Variants in DIP2B observed in about 807,000 individuals in gnomAD.
The protein encoded by DIP2B is disco-interacting protein 2 homolog B.
Under a neutral mutation model 198.0 loss-of-function variants are expected in DIP2B, and 76 were observed. The ratio of observed to expected loss-of-function variants is 0.38; its 90% CI spans 0.32 to 0.46. The LOEUF (loss-of-function observed/expected upper bound fraction) is 0.46. DIP2B is among the 20% of genes least tolerant of loss of function. The pLI, the probability that DIP2B is intolerant of heterozygous loss-of-function variation, is 0.99. For missense variants in DIP2B, 1,559 were observed against 1,978.4 expected, an observed-to-expected ratio of 0.79 and a Z score of 4.02; for synonymous variants, 701 against 739.1, an observed-to-expected ratio of 0.95 and a Z score of 0.84.
At chr12:50,518,575 T>C (rs1958087134) in intron 1 of DIP2B, among the ~76,000 whole-genome samples, 1 of 152,200 alleles carries the variant, frequency 6.6e-6, no homozygotes, top group African/African-American at 2.4e-5. Flanking sequence ...GCAGTTTCTG[T>C]ACAGTGTGCT....
At chr12:50,715,083 C>T (rs1442489899) in intron 23 of DIP2B, among the ~76,000 whole-genome samples, 1 of 152,192 alleles carries the variant, frequency 6.6e-6, no homozygotes, top group East Asian at 1.9e-4. Flanking sequence ...ACATAAATTG[C>T]AGCTCAGGCA....
chr12:50,512,252 T>G (rs1461881160), intron 1 of DIP2B, among the ~76,000 whole-genome samples: 4 of 151,692 alleles, frequency 2.6e-5, no homozygotes, highest in African/African-American at 9.7e-5. Flanking sequence ...GATTACAGGC[T>G]TGTGCCACCA....
In DIP2B at chr12:50,523,707, A is replaced by C. The variant is rs370502122; in HGVS notation, c.100+18467A>C. Among the ~76,000 whole-genome samples, 74 of 152,364 alleles carry C rather than the reference A, an allele frequency of 4.9e-4. 1 individual carries two copies. The South Asian group carries it at 0.015, about 31-fold the overall frequency. ...AGCAGTATGGTATTAGCTTTAAAACAGGATGAATGGACAGAATACTATGCC... is the reference window on the plus strand; with the variant it reads ...AGCAGTATGGTATTAGCTTTAAAACCGGATGAATGGACAGAATACTATGCC... On this transcript the variant is annotated intron_variant, in intron 1 of 37. Transcript: ENST00000301180.
In DIP2B at chr12:50,685,973, C is replaced by T; in HGVS notation, c.1441+17C>T. On this transcript the variant is annotated intron_variant, in intron 11 of 37. Coordinates refer to ENST00000301180, the MANE Select transcript of DIP2B (RefSeq NM_173602.3). ...AGTTTAAAGGTTAGTAACATTGTAC[C>T]TGAATTATCAGTTAAAAGTTAAAAC... 1 of 1,603,884 alleles carries T rather than the reference C, an allele frequency of 6.2e-7. No individual in the cohort carries two copies. The highest frequency in any genetic ancestry group is 8.5e-7 in the Non-Finnish European group (1 of 1,175,564).
intron 1 of DIP2B, among the ~76,000 whole-genome samples, chr12:50,538,066 G>A (rs974430989): frequency 1.3e-5 from 2 of 152,118 alleles, no homozygotes; most frequent in Non-Finnish European, 2.9e-5. Context: ...AATAGATACC[G>A]AGGAGTCTTC....
chr12:50,612,127 G>A (rs1959037197), intron 1 of DIP2B, among the ~76,000 whole-genome samples: 1 of 152,122 alleles, frequency 6.6e-6, no homozygotes, highest in Admixed American at 6.5e-5. Context: ...GCAGGGCATT[G>A]TAGCATGCCC....
rs373579749 is a variant in DIP2B at position 50,526,069 on chromosome 12, T to C, written c.100+20829T>C. Among the ~76,000 whole-genome samples, 9 of 152,330 alleles carry C rather than the reference T, an allele frequency of 5.9e-5. No individual in the cohort carries two copies. The East Asian group carries it at 1.7e-3, about 29-fold the overall frequency. On this transcript the variant is annotated intron_variant, in intron 1 of 37. Transcript: ENST00000301180. ...CTCAGTAAAATGTTTGTTTTTTGAG[T>C]GCAGAGATTTTACTGTCTTGTTCCC...
At chr12:50,641,722 G>A (rs753860025) in intron 3 of DIP2B, among the ~76,000 whole-genome samples, 2 of 152,144 alleles carry the variant, frequency 1.3e-5, no homozygotes, top group African/African-American at 2.4e-5. Flanking sequence ...ACCACCTGGC[G>A]GCCAGTACCA....
rs192265854 is a variant in DIP2B, at chr12:50,517,172, G to A, written c.100+11932G>A. ...CTGACCTCGTGATCCACCTGCCTTG[G>A]CCTCCCAAAGTGCTGGGATTACAGG... On this transcript the variant is annotated intron_variant, in intron 1 of 37. Coordinates refer to ENST00000301180, the MANE Select transcript of DIP2B (RefSeq NM_173602.3). Among the ~76,000 whole-genome samples the A allele has an allele frequency of 7.1e-3, 1,083 of 152,008 alleles. 16 individuals carry two copies. Among genetic ancestry groups the A allele is most frequent in the African/African-American group, 0.025 (1,042 of 41,486 alleles).
intron 23 of DIP2B, among the ~76,000 whole-genome samples, chr12:50,715,004 C>T (rs950630441): frequency 1.3e-5 from 2 of 152,176 alleles, no homozygotes; most frequent in African/African-American, 4.8e-5. Flanking sequence ...CCTTGAGATG[C>T]TTTTGGAGCT....
At chr12:50,567,677 G>A (rs1238382979) in intron 1 of DIP2B, among the ~76,000 whole-genome samples, 3 of 152,046 alleles carry the variant, frequency 2.0e-5, no homozygotes, top group Non-Finnish European at 2.9e-5. Context: ...ACAGGCGCCC[G>A]CCACCATGCT....
intron 1 of DIP2B, 85 bp downstream of exon 1, chr12:50,505,325 G>A (rs1957957448): frequency 1.7e-6 from 2 of 1,166,742 alleles, no homozygotes; most frequent in Admixed American, 3.5e-5. Flanking sequence ...GCGCTCTGGC[G>A]GCCGTGCGGC....
chr12:50,559,151 A>T (rs1958496059), intron 1 of DIP2B, among the ~76,000 whole-genome samples: 1 of 152,216 alleles, frequency 6.6e-6, no homozygotes, highest in South Asian at 2.1e-4. Flanking sequence ...TGATTAGGTG[A>T]TCACCCCAGT....
At chr12:50,589,755 A>C (rs972298416) in intron 1 of DIP2B, among the ~76,000 whole-genome samples, 23 of 152,240 alleles carry the variant, frequency 1.5e-4, no homozygotes, top group African/African-American at 5.3e-4. Context: ...TGGGGGCCAG[A>C]GGGTGTATCC....
At position 50,675,425 on chromosome 12, in the gene DIP2B, A is replaced by G; in HGVS notation, c.893A>G (p.Asp298Gly). Residue 298 changes from aspartate (D) to glycine (G), a missense_variant, in exon 7 of 38, where the codon GAT becomes GGT. Coordinates refer to ENST00000301180, the MANE Select transcript of DIP2B (RefSeq NM_173602.3). ...KRPPLKEFFVDDSEEIVEVPQ... is the reference protein window; with the variant it reads ...KRPPLKEFFVGDSEEIVEVPQ... Reference sequence around the variant, plus strand: ...CCTCCCTTAAAGGAATTTTTTGTGGATGACTCTGAAGAAATTGTGGAAGGT... The same window carrying G: ...CCTCCCTTAAAGGAATTTTTTGTGGGTGACTCTGAAGAAATTGTGGAAGGT... 1.2e-6 allele frequency: 2 copies of G among 1,613,908 alleles called. No homozygotes were observed. Among genetic ancestry groups the G allele is most frequent in the Middle Eastern group, 1.7e-4 (1 of 6,058 alleles).
At chr12:50,513,050 A>G (rs1204701247) in intron 1 of DIP2B, among the ~76,000 whole-genome samples, 2 of 152,160 alleles carry the variant, frequency 1.3e-5, no homozygotes, top group Non-Finnish European at 2.9e-5. Context: ...TGGAGTTGTA[A>G]GGAGGTTTAA....
chr12:50,651,506 T>C (rs1938452775), intron 3 of DIP2B, among the ~76,000 whole-genome samples: 1 of 152,192 alleles, frequency 6.6e-6, no homozygotes, highest in Non-Finnish European at 1.5e-5. Context: ...TTTTTGTATA[T>C]CATGTTAAAT....
chr12:50,698,302 C>G (rs751083634), intron 17 of DIP2B, 26 bp from the exon 18 acceptor site: 27 of 1,595,636 alleles, frequency 1.7e-5, no homozygotes, highest in Non-Finnish European at 2.3e-5. Flanking sequence ...TTTCATTCAC[C>G]AAACTTGATG....
chr12:50,521,573 A>T (rs1958120396), intron 1 of DIP2B, among the ~76,000 whole-genome samples: 1 of 144,466 alleles, frequency 6.9e-6, no homozygotes, highest in African/African-American at 2.6e-5. Context: ...GCTCACTGCA[A>T]CCTCCATCTC....
Sources: allele counts gnomAD v4.1 joint callset (sites outside exome capture counted in the v4.1 genomes callset), GRCh38; gene constraint gnomAD v4.1.1; transcripts MANE v1.5; gene names NCBI Gene and HGNC (gene_info 2026-07-23, HGNC 2026-07-21).